Variants in PHLDB2 observed in about 807,000 individuals in gnomAD.
The protein encoded by PHLDB2 is pleckstrin homology-like domain family B member 2.
In PHLDB2, 71 loss-of-function variants were observed where a neutral mutation model predicts 123.6. The ratio of observed to expected loss-of-function variants is 0.57; its 90% CI spans 0.47 to 0.70. PHLDB2 has a LOEUF of 0.70. Among genes scored for constraint, PHLDB2 ranks in the 30% least tolerant of loss-of-function variants. PHLDB2 has a pLI of 0.00. For synonymous variants in PHLDB2, 547 were observed against 541.6 expected, an observed-to-expected ratio of 1.01 and a Z score of -0.14; for missense variants, 1,446 against 1,519.5, an observed-to-expected ratio of 0.95 and a Z score of 0.80.
chr3:111,905,582 C>T (rs931208043), intron 2 of PHLDB2, among the ~76,000 whole-genome samples: 2 of 152,114 alleles, frequency 1.3e-5, no homozygotes, highest in African/African-American at 4.8e-5. Flanking sequence ...GTCTCGAACT[C>T]CTGTCCCCAA....
At chr3:111,786,318 A>G in intron 1 of PHLDB2, among the ~76,000 whole-genome samples, 1 of 152,320 alleles carries the variant, frequency 6.6e-6, no homozygotes, top group South Asian at 2.1e-4. Context: ...TTTTCCCCAA[A>G]TATTTTTCAT....
chr3:111,797,546 T>C (rs1199022008), intron 1 of PHLDB2, among the ~76,000 whole-genome samples: 1 of 152,262 alleles, frequency 6.6e-6, no homozygotes, highest in African/African-American at 2.4e-5. Context: ...CAGTCTGTCA[T>C]GAGACAAAGG....
At chr3:111,919,343 G>C (rs1229994126) in intron 4 of PHLDB2, 128 bp downstream of exon 4, 2 of 941,386 alleles carry the variant, frequency 2.1e-6, no homozygotes, top group Non-Finnish European at 1.6e-6. Flanking sequence ...TATTCAGTGG[G>C]TTCCCTGTAT....
At chr3:111,920,217 T>C (rs2068421881) in intron 4 of PHLDB2, 65 bp from the exon 5 acceptor site, 1 of 1,552,726 alleles carries the variant, frequency 6.4e-7, no homozygotes, top group Non-Finnish European at 8.7e-7. Flanking sequence ...AATGTATCTC[T>C]AGGGTGGTCA....
At chr3:111,857,450 C>CAAAA (rs72339280), upstream of PHLDB2, among the ~76,000 whole-genome samples, 60 of 113,472 alleles carry the variant, frequency 5.3e-4, no homozygotes, top group African/African-American at 1.9e-3. Context: ...GGCCCTGTCT[C>CAAAA]AAAAAAAAAA....
intron 1 of PHLDB2, among the ~76,000 whole-genome samples, chr3:111,831,005 G>GAAAGAAAGAAAGAAAGA (rs2062980201): frequency 1.1e-5 from 1 of 92,850 alleles, no homozygotes; most frequent in Non-Finnish European, 2.0e-5. Context: ...AAGAAAGAAA[G>GAAAGAAAGAAAGAAAGA]AAAGAAAGAA....
intron 8 of PHLDB2, among the ~76,000 whole-genome samples, chr3:111,944,248 G>C (rs1273416926): frequency 6.6e-6 from 1 of 152,176 alleles, no homozygotes; most frequent in Non-Finnish European, 1.5e-5. Context: ...GAAGTTGACA[G>C]GTAGGGGCAT....
chr3:111,848,779 C>G (rs79619962), intron 2 of PHLDB2, among the ~76,000 whole-genome samples: 1 of 152,198 alleles, frequency 6.6e-6, no homozygotes, highest in South Asian at 2.1e-4. Flanking sequence ...CAACACCTTA[C>G]CTTTTCTGTG....
At chr3:111,752,248 C>CTGTG (rs767384410) in intron 1 of PHLDB2, among the ~76,000 whole-genome samples, 27 of 119,402 alleles carry the variant, frequency 2.3e-4, no homozygotes, top group African/African-American at 7.3e-4. Flanking sequence ...GTGTCTGTGT[C>CTGTG]TGTGTGTGTG....
intron 2 of PHLDB2, among the ~76,000 whole-genome samples, chr3:111,886,644 T>G (rs1418973859): frequency 1.3e-5 from 2 of 152,214 alleles, no homozygotes; most frequent in Admixed American, 1.3e-4. Context: ...CACTCATAGT[T>G]TTTGATAAGT....
chr3:111,779,179 A>G (rs2060322250), intron 1 of PHLDB2, among the ~76,000 whole-genome samples: 1 of 152,100 alleles, frequency 6.6e-6, no homozygotes, highest in South Asian at 2.1e-4. Flanking sequence ...GTTCTATAGT[A>G]TGACATTTCT....
At chr3:111,916,518 G>A (rs990665751) in intron 3 of PHLDB2, 1 of 152,158 alleles carries the variant, frequency 6.6e-6, no homozygotes, top group Non-Finnish European at 1.5e-5. Flanking sequence ...GGAGAAGAGA[G>A]GAATGTGAAA....
intron 10 of PHLDB2, among the ~76,000 whole-genome samples, chr3:111,951,589 T>A (rs2070721352): frequency 1.3e-5 from 2 of 152,142 alleles, no homozygotes; most frequent in South Asian, 4.1e-4. Context: ...GAAATCACTT[T>A]ACTATATATA....
rs552890615 is a variant in PHLDB2, at chr3:111,933,329, A to G, written c.2130+932A>G. 2.6e-5 allele frequency among the ~76,000 whole-genome samples: 4 copies of G among 152,334 alleles called. No homozygotes were observed. In the South Asian group the frequency reaches 8.3e-4, roughly 32 times the overall value. On this transcript the variant is annotated intron_variant, in intron 6 of 17. Coordinates refer to ENST00000431670, the MANE Select transcript of PHLDB2 (RefSeq NM_001134438.2). The stretch of plus-strand genomic sequence containing the variant: ...GTTTCATCCATGTTATTATGTTTGT[A>G]CCTTCTTGGGAATGGGGAGGTTGAA...
chr3:111,735,527 C>T (rs766159331), intron 1 of PHLDB2, among the ~76,000 whole-genome samples: 6 of 152,182 alleles, frequency 3.9e-5, no homozygotes, highest in Non-Finnish European at 8.8e-5. Context: ...TGTCTTTGAA[C>T]AAAGGGTTTC....
intron 2 of PHLDB2, among the ~76,000 whole-genome samples, chr3:111,903,274 G>T (rs2067305940): frequency 6.6e-6 from 1 of 152,206 alleles, no homozygotes; most frequent in Non-Finnish European, 1.5e-5. Context: ...TGAAGTATGT[G>T]TCCTTAATAA....
chr3:111,911,581 GATAA>G lies in PHLDB2; in HGVS notation c.1336-1733_1336-1730del. On this transcript the variant is annotated intron_variant, in intron 2 of 17. Coordinates refer to ENST00000431670, the MANE Select transcript of PHLDB2 (RefSeq NM_001134438.2). ...CTTGGCAGCTGGTGGAAACTGAAGAGATAAATAAGTACCAGGGCTCCTGGATGGA... is the reference window on the plus strand; with the variant it reads ...CTTGGCAGCTGGTGGAAACTGAAGAGATAAGTACCAGGGCTCCTGGATGGA... The G allele has an allele frequency of 2.0e-6, 3 of 1,528,520 alleles. No homozygotes were observed. The South Asian group carries it at 3.6e-5, about 18-fold the overall frequency. 94.7% of individuals were successfully genotyped at this position (1,528,520 alleles called of 1,614,324 possible).
chr3:111,974,528 A>C lies in PHLDB2; in HGVS notation c.3727A>C (p.Thr1243Pro). 1 of 1,613,414 alleles carries C rather than the reference A, an allele frequency of 6.2e-7. No individual in the cohort carries two copies. Reference protein sequence around the residue: ...AMRIWMDVIVTGAEGYTHFLL With the variant: ...AMRIWMDVIVPGAEGYTHFLL The stretch of plus-strand genomic sequence containing the variant: ...GCGGATCTGGATGGATGTTATAGTT[A>C]CGGGGGCAGAAGGTTACACTCACTT... Residue 1243 changes from threonine to proline, a missense_variant, in exon 18 of 18, where the codon ACG becomes CCG. Coordinates refer to ENST00000431670, the MANE Select transcript of PHLDB2 (RefSeq NM_001134438.2).
At chr3:111,924,693 A>T (rs931281468) in intron 5 of PHLDB2, among the ~76,000 whole-genome samples, 1 of 152,236 alleles carries the variant, frequency 6.6e-6, no homozygotes, top group African/African-American at 2.4e-5. Context: ...ACCTGAAAAG[A>T]TATCTCTGTT....
Sources: allele counts gnomAD v4.1 joint callset (sites outside exome capture counted in the v4.1 genomes callset), GRCh38; gene constraint gnomAD v4.1.1; transcripts MANE v1.5; gene names NCBI Gene and HGNC (gene_info 2026-07-23, HGNC 2026-07-21).